ASH1L: variants seen among roughly 807,000 people sequenced by gnomAD.
The protein encoded by ASH1L is histone-lysine N-methyltransferase ASH1L.
In ASH1L, 23 loss-of-function variants were observed where a neutral mutation model predicts 269.0. That is an observed-to-expected ratio of 0.09 (90% confidence interval 0.06 to 0.12). ASH1L has a LOEUF of 0.12. Ranked by LOEUF, ASH1L falls within the 10% of genes least tolerant of loss-of-function variation. The pLI is 1.00. For missense variants in ASH1L, 2,912 were observed against 3,567.8 expected (o/e 0.82, Z 4.68); for synonymous variants, 1,187 against 1,253.5 (o/e 0.95, Z 1.12).
intron 5 of ASH1L, among the ~76,000 whole-genome samples, chr1:155,428,458 T>C (rs1043880742): frequency 1.3e-5 from 2 of 149,220 alleles, no homozygotes; most frequent in African/African-American, 5.0e-5. Flanking sequence ...AAAAAATATA[T>C]ATATATATGT....
intron 12 of ASH1L, 39 bp from the exon 13 acceptor site, chr1:155,360,448 T>TA: frequency 8.8e-7 from 1 of 1,138,952 alleles, no homozygotes. Flanking sequence ...GGCTGGAAAT[T>TA]TTTTTTTTTT....
chr1:155,515,483 C>A (rs546610125), intron 2 of ASH1L, among the ~76,000 whole-genome samples: 2 of 152,134 alleles, frequency 1.3e-5, no homozygotes, highest in Non-Finnish European at 1.5e-5. Flanking sequence ...TGTAATGGTT[C>A]CTATTTTGAT....
chr1:155,360,354 C>A lies in ASH1L; in HGVS notation c.6742G>T (p.Gly2248Trp). 1 of 1,613,810 alleles carries A rather than the reference C, an allele frequency of 6.2e-7. No individual in the cohort carries two copies. Among genetic ancestry groups the A allele is most frequent in the Non-Finnish European group, 8.5e-7 (1 of 1,179,724 alleles). Residue 2248 changes from glycine (G) to tryptophan (W), a missense_variant, in exon 13 of 28, where the codon GGG becomes TGG. Around this residue, in one of 13 missense-constraint regions of ASH1L, gnomAD observed 309 missense variants for 435.1 expected, o/e 0.71. Coordinates refer to ENST00000392403, the MANE Select transcript of ASH1L (RefSeq NM_018489.3). Reference sequence around the variant, plus strand: ...TTATAATCATAAGTGAGTTCAGTCCCAGCTGGCATGTCTTTAAGAGCATAG... The same window carrying A: ...TTATAATCATAAGTGAGTTCAGTCCAAGCTGGCATGTCTTTAAGAGCATAG... Reference protein sequence around the residue: ...GLYALKDMPAGTELTYDYNFH... With the variant: ...GLYALKDMPAWTELTYDYNFH...
At position 155,482,405 on chromosome 1, in the gene ASH1L, A is replaced by G. The variant is rs778163802; in HGVS notation, c.465T>C (p.Ile155=). ...GGATGACTTCTTCAGACTGGCATTC[A>G]ATGGCTGCAACATCATCTGCTTTCT... The part of the protein sequence containing the change: ...LYKKADDVAA[I]ECQSEEVIRL... Residue 155 remains isoleucine, a synonymous_variant, in exon 3 of 28, where the codon ATT becomes ATC. Coordinates refer to ENST00000392403, the MANE Select transcript of ASH1L (RefSeq NM_018489.3). 2.2e-5 allele frequency: 36 copies of G among 1,613,836 alleles called. No homozygotes were observed. The highest frequency in any genetic ancestry group is 3.0e-5 in the Non-Finnish European group (35 of 1,179,918).
At chr1:155,453,794 G>A (rs369215579) in intron 4 of ASH1L, among the ~76,000 whole-genome samples, 3 of 148,456 alleles carry the variant, frequency 2.0e-5, no homozygotes, top group African/African-American at 7.5e-5. Context: ...GGGAGACTGC[G>A]TGTCAAAAAA....
chr1:155,374,209 C>T (rs1304552125), intron 10 of ASH1L, among the ~76,000 whole-genome samples: 1 of 151,916 alleles, frequency 6.6e-6, no homozygotes, highest in Admixed American at 6.6e-5. Context: ...ACTGTAATCC[C>T]AGCTACTTGG....
chr1:155,445,860 T>TTG (rs146021873), intron 4 of ASH1L, among the ~76,000 whole-genome samples: 9 of 151,534 alleles, frequency 5.9e-5, no homozygotes, highest in Admixed American at 1.3e-4. Flanking sequence ...AGTACATAGA[T>TTG]TGTGTGTGTG....
At chr1:155,376,228 A>C (rs1656428127) in intron 10 of ASH1L, among the ~76,000 whole-genome samples, 1 of 152,238 alleles carries the variant, frequency 6.6e-6, no homozygotes, top group Non-Finnish European at 1.5e-5. Flanking sequence ...ACATAAAATG[A>C]TAAGGTGTGA....
rs6690002 is a variant in ASH1L at position 155,343,777 on chromosome 1, C to T, written c.7982-35G>A. 3.9e-3 allele frequency: 6,293 copies of T among 1,607,462 alleles called. 208 individuals are homozygous for T. The African/African-American group carries it at 0.074, about 19-fold the overall frequency. Reference sequence around the variant, plus strand: ...CCCAGAACACAGAAGAAACATAAAACAATTCTTGTATGAATTCTGTTAGGC... The same window carrying T: ...CCCAGAACACAGAAGAAACATAAAATAATTCTTGTATGAATTCTGTTAGGC... On this transcript the variant is annotated intron_variant, in intron 22 of 27. Transcript: ENST00000392403. The surrounding 1 kb of genome is among the most constrained non-coding windows in gnomAD (Gnocchi z 6.1).
In ASH1L at chr1:155,363,275, G is replaced by A. The variant is rs144723090; in HGVS notation, c.6687-2866C>T. On this transcript the variant is annotated intron_variant, in intron 12 of 27. Coordinates refer to ENST00000392403, the MANE Select transcript of ASH1L (RefSeq NM_018489.3). ...TGGGATTATAGGCGTGAGCCACCGC[G>A]CCTGGCTAATTTTTTATTTTTAAAC... Among the ~76,000 whole-genome samples the A allele has an allele frequency of 6.9e-3, 1,043 of 152,088 alleles. 15 individuals are homozygous for A. The highest frequency in any genetic ancestry group is 0.024 in the African/African-American group (982 of 41,474).
intron 5 of ASH1L, among the ~76,000 whole-genome samples, chr1:155,416,654 G>A (rs111360475): frequency 0.021 from 3,200 of 152,056 alleles, 59 homozygotes; most frequent in Non-Finnish European, 0.033. Context: ...TCCTGCCTCA[G>A]CCTCCTGAAT....
chr1:155,544,858 T>C (rs1443040366), intron 1 of ASH1L, among the ~76,000 whole-genome samples: 3 of 151,870 alleles, frequency 2.0e-5, no homozygotes, highest in East Asian at 3.9e-4. Context: ...CTCATTAGTA[T>C]AGTCAGGGAG....
chr1:155,349,626 G>GATTCCACC, intron 17 of ASH1L, 30 bp from the exon 18 acceptor site: 1 of 1,597,044 alleles, frequency 6.3e-7, no homozygotes, highest in Non-Finnish European at 8.6e-7. Context: ...TTAGTAGAAA[G>GATTCCACC]ATTCCACCAT....
At chr1:155,395,358 C>T in intron 7 of ASH1L, 101 bp downstream of exon 7, 2 of 860,468 alleles carry the variant, frequency 2.3e-6, no homozygotes, top group Non-Finnish European at 3.4e-6. Flanking sequence ...CTTGATCCCA[C>T]TGGAGAAATA....
chr1:155,552,827 G>A (rs911474808), intron 1 of ASH1L, among the ~76,000 whole-genome samples: 8 of 152,186 alleles, frequency 5.3e-5, no homozygotes, highest in Non-Finnish European at 1.2e-4. Flanking sequence ...TCTTACCTAT[G>A]AGGGAAGTAA....
Position 155,378,314 on chromosome 1 carries a change from G to A in ASH1L, c.6299C>T (p.Thr2100Ile), listed in dbSNP as rs745691964. The change falls in exon 10 of 28, where the codon ACC becomes ATC. Residue 2100 changes from threonine to isoleucine, a missense_variant. Coordinates refer to ENST00000392403, the MANE Select transcript of ASH1L (RefSeq NM_018489.3). ...TCNCKKPDDD[T>I]RKGCVDDCLN... is the part of the protein sequence containing the mutation. ...GCAGTCATCAACACAGCCCTTCCTG[G>A]TGTCATCATCTGGCTTCTTACAGTT... The A allele has an allele frequency of 4.5e-5, 73 of 1,614,028 alleles. No individual in the cohort carries two copies. Among genetic ancestry groups the A allele is most frequent in the Non-Finnish European group, 6.1e-5 (72 of 1,180,022 alleles).
chr1:155,358,494 G>C (rs1288970813), intron 13 of ASH1L, among the ~76,000 whole-genome samples: 1 of 151,790 alleles, frequency 6.6e-6, no homozygotes, highest in Non-Finnish European at 1.5e-5. Flanking sequence ...GACCATCCTG[G>C]CTAACATGGT....
At chr1:155,345,253 T>G (rs2148328337) in intron 21 of ASH1L, among the ~76,000 whole-genome samples, 1 of 138,326 alleles carries the variant, frequency 7.2e-6, no homozygotes, top group African/African-American at 2.6e-5. Context: ...TGATCTTGGC[T>G]CATTGCAACC....
At chr1:155,473,641 C>A (rs950774588) in intron 3 of ASH1L, among the ~76,000 whole-genome samples, 2 of 151,758 alleles carry the variant, frequency 1.3e-5, no homozygotes, top group African/African-American at 2.4e-5. Context: ...GGACTACAGG[C>A]GTATGCCATC....
Sources: gnomAD v4.1 joint callset for allele counts (sites outside exome capture counted in the v4.1 genomes callset) on GRCh38, gnomAD v4.1.1 for gene constraint, gnomAD v4.1.1 regional missense constraint, Gnocchi (gnomAD v3.1) non-coding constraint, MANE v1.5 for transcripts, NCBI Gene and HGNC (gene_info 2026-07-23, HGNC 2026-07-21) for gene names.